The following RTN4RL1 variants were observed in gnomAD, a reference collection of about 807,000 sequenced individuals.
RTN4RL1 encodes the protein reticulon 4 receptor like 1, also known as reticulon-4 receptor-like 1.
A neutral mutation model predicts 25.6 loss-of-function variants in RTN4RL1; 7 were observed. That is an observed-to-expected ratio of 0.27 (90% CI 0.16 to 0.51). The LOEUF (loss-of-function observed/expected upper bound fraction) is 0.51. Ranked by LOEUF, RTN4RL1 falls within the 20% of genes least tolerant of loss-of-function variation. RTN4RL1 has a pLI of 0.97. For synonymous variants in RTN4RL1, 297 were observed against 288.2 expected, an observed-to-expected ratio of 1.03 and a Z score of -0.31; for missense variants, 500 against 615.6, an observed-to-expected ratio of 0.81 and a Z score of 1.99.
intron 1 of RTN4RL1, among the ~76,000 whole-genome samples, chr17:1,984,272 G>A (rs780144607): frequency 6.6e-6 from 1 of 152,244 alleles, no homozygotes; most frequent in African/African-American, 2.4e-5. Flanking sequence ...CTGAGAAGCC[G>A]AGTCAAGGCC....
rs1015722840 is a variant in RTN4RL1 at position 1,998,433 on chromosome 17, G to C, written c.13+26420C>G. On this transcript the variant is annotated intron_variant, in intron 1 of 1. Coordinates refer to ENST00000331238, the MANE Select transcript of RTN4RL1 (RefSeq NM_178568.4). This position sits in a 1 kb window ranked among gnomAD's most constrained non-coding sequence, Gnocchi z 4.9. The stretch of plus-strand genomic sequence containing the variant: ...CGCGCTGGGATCCGTTCCCTCTCGC[G>C]GGAGCCGCCGGCCGGGGATCTGCGC... 6.6e-6 allele frequency among the ~76,000 whole-genome samples: 1 copy of C among 151,978 alleles called. No individual in the cohort carries two copies. The highest frequency in any genetic ancestry group is 2.4e-5 in the African/African-American group (1 of 41,420).
rs944840679 is a variant in RTN4RL1, at chr17:1,936,094, C to T, written c.*402G>A. 27 of 1,014,090 alleles carry T rather than the reference C, an allele frequency of 2.7e-5. No individual in the cohort carries two copies. Among genetic ancestry groups the T allele is most frequent in the Admixed American group, 1.6e-4 (3 of 18,762 alleles). The allele number at this position is 1,014,090 out of a possible 1,614,324, so 62.8% of individuals were successfully genotyped here. A position where few individuals can be genotyped will look rare whatever the true frequency, so the allele number is the denominator to read the frequency against. ...GGTGAGCCTCATTTGTTCTTCTCTG[C>T]GTCCTGCTTTCTCCAGGAACCACGG... On this transcript the variant is annotated 3_prime_UTR_variant, in exon 2 of 2. Coordinates refer to ENST00000331238, the MANE Select transcript of RTN4RL1 (RefSeq NM_178568.4).
intron 1 of RTN4RL1, among the ~76,000 whole-genome samples, chr17:2,011,581 G>C (rs1188767687): frequency 2.0e-5 from 3 of 152,216 alleles, no homozygotes; most frequent in Non-Finnish European, 4.4e-5. Context: ...AGGGCAGAGA[G>C]GCCAGGAGAG....
chr17:1,965,213 G>T (rs2066785376), intron 1 of RTN4RL1, among the ~76,000 whole-genome samples: 1 of 151,344 alleles, frequency 6.6e-6, no homozygotes, highest in African/African-American at 2.4e-5. Context: ...GGGTTCAAGT[G>T]ATTCTCTTGC....
At chr17:1,992,028 T>C (rs1306971171) in intron 1 of RTN4RL1, among the ~76,000 whole-genome samples, 1 of 152,038 alleles carries the variant, frequency 6.6e-6, no homozygotes, top group Non-Finnish European at 1.5e-5. Context: ...AGATCCTTCA[T>C]GACATGGGCC....
chr17:1,946,625 C>T (rs927728369), intron 1 of RTN4RL1, among the ~76,000 whole-genome samples: 2 of 139,532 alleles, frequency 1.4e-5, no homozygotes, highest in Non-Finnish European at 3.0e-5. Context: ...TCTGTGTGCA[C>T]GTGTGTCTGT....
Position 1,936,841 on chromosome 17 carries a change from C to G in RTN4RL1, c.981G>C (p.Lys327Asn). Residue 327 changes from lysine (K) to asparagine (N), a missense_variant, in exon 2 of 2, where the codon AAG becomes AAC. Transcript: ENST00000331238. ...TGGGGCCGTGGGGTGAGTGGTGTTC[C>G]TTGCGGGCGGCCCTGTCGGTGGTGG... ...TLTTTDRAAR[K>N]EHHSPHGPTR... The G allele has an allele frequency of 6.3e-7, 1 of 1,585,900 alleles. No homozygotes were observed. Among genetic ancestry groups the G allele is most frequent in the Non-Finnish European group, 8.6e-7 (1 of 1,166,680 alleles).
intron 1 of RTN4RL1, among the ~76,000 whole-genome samples, chr17:1,986,693 T>C (rs1025610459): frequency 4.0e-5 from 6 of 151,634 alleles, no homozygotes; most frequent in African/African-American, 1.5e-4. Flanking sequence ...CCTCCAGAAC[T>C]GTGAGAGAAT....
At chr17:1,943,024 T>C (rs1915470867) in intron 1 of RTN4RL1, among the ~76,000 whole-genome samples, 1 of 152,166 alleles carries the variant, frequency 6.6e-6, no homozygotes, top group Non-Finnish European at 1.5e-5. Context: ...GGACCAGCCC[T>C]CACAGGGCCC....
At chr17:2,003,713 A>T (rs2066974145) in intron 1 of RTN4RL1, 1 of 152,342 alleles carries the variant, frequency 6.6e-6, no homozygotes. Flanking sequence ...TGCTTGGCGC[A>T]ATCTACGGAA....
chr17:2,016,395 A>C (rs2067123662), intron 1 of RTN4RL1, among the ~76,000 whole-genome samples: 1 of 152,130 alleles, frequency 6.6e-6, no homozygotes, highest in South Asian at 2.1e-4. Flanking sequence ...ACAAAAACAA[A>C]AAACAAAAAA....
chr17:1,937,237 G>T lies in RTN4RL1; in HGVS notation c.585C>A (p.Gly195=), dbSNP rs888902144. ...LWSLGPGTFR[G]LVNLDRLLLH... is the part of the protein sequence containing the mutation. ...GCAAAAGACGGTCCAGGTTCACCAG[G>T]CCCCGGAAGGTGCCCGGGCCCAGAC... Residue 195 remains glycine, a synonymous_variant, in exon 2 of 2, where the codon GGC becomes GGA. Transcript: ENST00000331238. 27 of 1,612,040 alleles carry T rather than the reference G, an allele frequency of 1.7e-5. No homozygotes were observed. The highest frequency in any genetic ancestry group is 2.1e-5 in the Non-Finnish European group (25 of 1,179,882).
At chr17:2,001,463 G>C (rs1315704306) in intron 1 of RTN4RL1, 1 of 151,042 alleles carries the variant, frequency 6.6e-6, no homozygotes, top group East Asian at 2.0e-4. Context: ...AGCCAGGATG[G>C]TCTCGATTTC....
intron 1 of RTN4RL1, among the ~76,000 whole-genome samples, chr17:1,941,805 G>A (rs892980300): frequency 6.6e-6 from 1 of 152,138 alleles, no homozygotes; most frequent in African/African-American, 2.4e-5. Flanking sequence ...AGCTGGCCCC[G>A]CCGCCTCTGG....
chr17:1,997,747 C>T lies in RTN4RL1; in HGVS notation c.13+27106G>A, dbSNP rs550369221. ...TGCCCCACCCAGGCCTCATCCAAGCCCCTGCTGGCTTTAAACCACTAGGAC... is the reference window on the plus strand; with the variant it reads ...TGCCCCACCCAGGCCTCATCCAAGCTCCTGCTGGCTTTAAACCACTAGGAC... On this transcript the variant is annotated intron_variant, in intron 1 of 1. Coordinates refer to ENST00000331238, the MANE Select transcript of RTN4RL1 (RefSeq NM_178568.4). Among the ~76,000 whole-genome samples, 3 of 152,336 alleles carry T rather than the reference C, an allele frequency of 2.0e-5. No individual in the cohort carries two copies. The South Asian group carries it at 6.2e-4, about 32-fold the overall frequency.
At chr17:2,020,137 A>G (rs1365675252) in intron 1 of RTN4RL1, 1 of 152,186 alleles carries the variant, frequency 6.6e-6, no homozygotes, top group East Asian at 1.9e-4. Flanking sequence ...CCACCAGGCT[A>G]CATGCCTTGA....
intron 1 of RTN4RL1, among the ~76,000 whole-genome samples, chr17:1,951,483 G>T (rs191037685): frequency 6.6e-6 from 1 of 151,108 alleles, no homozygotes; most frequent in East Asian, 2.0e-4. Flanking sequence ...ACAGAGTCTC[G>T]CTCTGTCTCA....
At chr17:2,012,942 C>G (rs575632928) in intron 1 of RTN4RL1, among the ~76,000 whole-genome samples, 6 of 152,086 alleles carry the variant, frequency 3.9e-5, no homozygotes, top group African/African-American at 1.4e-4. Context: ...TATAGGCACA[C>G]GCCACCATGC....
At position 1,959,271 on chromosome 17, in the gene RTN4RL1, G is replaced by C. The variant is rs181044172; in HGVS notation, c.14-21463C>G. 8.3e-4 allele frequency among the ~76,000 whole-genome samples: 127 copies of C among 152,348 alleles called. 2 individuals are homozygous for C. The highest frequency in any genetic ancestry group is 2.9e-3 in the African/African-American group (122 of 41,590). On this transcript the variant is annotated intron_variant, in intron 1 of 1. Transcript: ENST00000331238. Reference sequence around the variant, plus strand: ...ATGTGCTGGGTGCTCAGACTCACCAGAGAGGCAGTCCTATCATGGTATTGC... The same window carrying C: ...ATGTGCTGGGTGCTCAGACTCACCACAGAGGCAGTCCTATCATGGTATTGC...
Sources: allele counts gnomAD v4.1 joint callset (sites outside exome capture counted in the v4.1 genomes callset), GRCh38; gene constraint gnomAD v4.1.1; non-coding constraint Gnocchi (gnomAD v3.1); transcripts MANE v1.5; gene names NCBI Gene and HGNC (gene_info 2026-07-23, HGNC 2026-07-21).